BDP1: variants seen among roughly 807,000 people sequenced by gnomAD.
The protein encoded by BDP1 is transcription factor TFIIIB component B'' homolog.
Under a neutral mutation model 266.6 loss-of-function variants are expected in BDP1, and 169 were observed. That is an observed-to-expected ratio of 0.63 (90% CI 0.56 to 0.72). BDP1 has a LOEUF of 0.72. BDP1 is among the 30% of genes least tolerant of loss of function. The pLI is 0.00. For synonymous variants in BDP1, 1,090 were observed against 1,022.4 expected (o/e 1.07, Z -1.26); for missense variants, 3,015 against 3,053.8 (o/e 0.99, Z 0.30).
chr5:71,538,505 C>T (rs754852873), intron 26 of BDP1, among the ~76,000 whole-genome samples: 22 of 152,076 alleles, frequency 1.4e-4, no homozygotes, highest in Non-Finnish European at 2.4e-4. Flanking sequence ...TGCTTTTTGT[C>T]GTTAGGATCA....
Position 71,509,623 on chromosome 5 carries a change from C to T in BDP1, c.2531C>T (p.Ala844Val), listed in dbSNP as rs777743338. The T allele has an allele frequency of 8.1e-6, 13 of 1,613,258 alleles. No homozygotes were observed. Among genetic ancestry groups the T allele is most frequent in the Admixed American group, 3.3e-5 (2 of 59,840 alleles). ...LEKILVSGEM[A>V]AALRETVRLD... ...AAGATTCTTGTCTCTGGGGAAATGG[C>T]GGCAGCATTGAGAGAAACTGTAAGA... The change falls in exon 17 of 39, where the codon GCG (alanine) becomes GTG (valine). Residue 844 changes from alanine to valine, a missense_variant. Ala to Val is a moderately conservative substitution (Grantham distance 64, BLOSUM62 0). Around this residue, in one of 3 missense-constraint regions of BDP1, gnomAD observed 2,383 missense variants for 2,404.9 expected, o/e 0.99. Coordinates refer to ENST00000358731, the MANE Select transcript of BDP1 (RefSeq NM_018429.3).
chr5:71,572,491 G>A (rs115075362), downstream of BDP1, among the ~76,000 whole-genome samples: 4 of 152,112 alleles, frequency 2.6e-5, no homozygotes, highest in East Asian at 1.9e-4. Flanking sequence ...TGCTGGCAGC[G>A]GATATAAGGT....
At chr5:71,568,982 A>G (rs1744178934), downstream of BDP1, among the ~76,000 whole-genome samples, 1 of 152,112 alleles carries the variant, frequency 6.6e-6, no homozygotes, top group Non-Finnish European at 1.5e-5. Flanking sequence ...CATTTTTTTC[A>G]TGGCACTAGC....
At chr5:71,547,062 A>G (rs1742374910) in intron 32 of BDP1, among the ~76,000 whole-genome samples, 1 of 152,134 alleles carries the variant, frequency 6.6e-6, no homozygotes, top group South Asian at 2.1e-4. Flanking sequence ...TATGTTGGCC[A>G]GGCTGGTCTT....
chr5:71,524,038 A>G lies in BDP1; in HGVS notation c.5487A>G (p.Glu1829=). ...CTGAGTATGAGAGAAATCGTGGTGAAAGGAGAAGTCATAAAAAGTTCAAAC... is the reference window on the plus strand; with the variant it reads ...CTGAGTATGAGAGAAATCGTGGTGAGAGGAGAAGTCATAAAAAGTTCAAAC... The part of the protein sequence containing the change: ...STSEYERNRG[E]RRSHKKFKPN... Residue 1829 remains glutamate (E), a synonymous_variant, in exon 25 of 39, where the codon GAA becomes GAG. Transcript: ENST00000358731. 6.2e-7 allele frequency: 1 copy of G among 1,614,234 alleles called. No individual in the cohort carries two copies. Among genetic ancestry groups the G allele is most frequent in the South Asian group, 1.1e-5 (1 of 91,076 alleles).
chr5:71,527,602 A>G (rs941324324), intron 25 of BDP1, among the ~76,000 whole-genome samples: 12 of 151,754 alleles, frequency 7.9e-5, no homozygotes, highest in Non-Finnish European at 1.5e-4. Flanking sequence ...AGTGTTCTTC[A>G]TTTTCGAGGT....
the BDP1 span, among the ~76,000 whole-genome samples, chr5:71,573,243 A>G: frequency 1.3e-4 from 6 of 47,822 alleles, no homozygotes; most frequent in Non-Finnish European, 3.3e-4. Flanking sequence ...AAAAAAAAAG[A>G]AAGAAAAGAA....
intron 7 of BDP1, among the ~76,000 whole-genome samples, chr5:71,477,624 C>CTTTTTTTTTTCTTT (rs1554111689): frequency 1.4e-5 from 2 of 143,356 alleles, no homozygotes; most frequent in African/African-American, 5.1e-5. Flanking sequence ...CAAATTTTTT[C>CTTTTTTTTTTCTTT]TTTTTTTTTT....
At chr5:71,484,979 T>C (rs1580043942) in intron 8 of BDP1, among the ~76,000 whole-genome samples, 1 of 152,156 alleles carries the variant, frequency 6.6e-6, no homozygotes, top group Non-Finnish European at 1.5e-5. Flanking sequence ...GAGGAATGGC[T>C]CTTAGAAGAT....
intron 38 of BDP1, among the ~76,000 whole-genome samples, chr5:71,563,643 T>C (rs993350074): frequency 6.6e-6 from 1 of 152,170 alleles, no homozygotes; most frequent in Non-Finnish European, 1.5e-5. Context: ...CTGGGTGCGG[T>C]GGCTCACGCC....
chr5:71,565,119 C>A lies in BDP1; in HGVS notation c.*234C>A. 2.3e-6 allele frequency: 1 copy of A among 441,362 alleles called. No individual in the cohort carries two copies. The allele number at this position is 441,362 out of a possible 1,614,324, so 27.3% of individuals were successfully genotyped here. ...AATAGCAAGCAATTAAGACTGCTTT[C>A]TCAGACAGAAATAACAACTCTTGTT... On this transcript the variant is annotated 3_prime_UTR_variant, in exon 39 of 39. Transcript: ENST00000358731.
Position 71,515,147 on chromosome 5 carries a change from TATAAA to T in BDP1, c.4649+30_4649+34del, listed in dbSNP as rs761301981. 10 of 1,528,104 alleles carry T rather than the reference TATAAA, an allele frequency of 6.5e-6. No individual in the cohort carries two copies. In the South Asian group the frequency reaches 1.3e-4, roughly 19 times the overall value. 94.7% of individuals were successfully genotyped at this position (1,528,104 alleles called of 1,614,324 possible). A position where few individuals can be genotyped will look rare whatever the true frequency, so the allele number is the denominator to read the frequency against. ...GGTAAACAGTGATTTTCTTTGACAATATAAAATAAGAGAGATACTTCTTTTAAATA... is the reference window on the plus strand; with the variant it reads ...GGTAAACAGTGATTTTCTTTGACAATATAAGAGAGATACTTCTTTTAAATA... On this transcript the variant is annotated intron_variant, in intron 20 of 38. Transcript: ENST00000358731.
At chr5:71,547,217 C>T (rs1262485308) in intron 32 of BDP1, among the ~76,000 whole-genome samples, 4 of 151,522 alleles carry the variant, frequency 2.6e-5, no homozygotes, top group Non-Finnish European at 2.9e-5. Flanking sequence ...ATTTGATTAT[C>T]CTTTCTCCTT....
At chr5:71,463,153 T>C (rs1171995161) in intron 3 of BDP1, among the ~76,000 whole-genome samples, 2 of 152,186 alleles carry the variant, frequency 1.3e-5, no homozygotes, top group Non-Finnish European at 2.9e-5. Flanking sequence ...TTTCTATTTT[T>C]AACATACTAT....
intron 1 of BDP1, among the ~76,000 whole-genome samples, chr5:71,457,772 C>G (rs1024979642): frequency 6.6e-6 from 1 of 152,096 alleles, no homozygotes; most frequent in Non-Finnish European, 1.5e-5. Context: ...AAAGGTTATT[C>G]TATAAGTTAA....
chr5:71,547,723 G>A (rs1742437301), intron 32 of BDP1, among the ~76,000 whole-genome samples: 1 of 152,158 alleles, frequency 6.6e-6, no homozygotes, highest in African/African-American at 2.4e-5. Flanking sequence ...GCTGAGGCGG[G>A]TGGATCATGA....
At chr5:71,549,241 C>G (rs753922089) in intron 33 of BDP1, among the ~76,000 whole-genome samples, 179 bp from the exon 34 acceptor site, 5 of 151,984 alleles carry the variant, frequency 3.3e-5, no homozygotes, top group East Asian at 3.9e-4. Context: ...CTGTCTCCCC[C>G]CCGCAAAAAA....
intron 22 of BDP1, among the ~76,000 whole-genome samples, chr5:71,521,051 GGT>G (rs1015978721): frequency 7.9e-5 from 12 of 151,606 alleles, no homozygotes; most frequent in African/African-American, 2.9e-4. Flanking sequence ...AGCCAGCCGT[GGT>G]GGCGCATGCC....
intron 32 of BDP1, among the ~76,000 whole-genome samples, chr5:71,546,617 CAAAAAAAAA>C (rs70992980): frequency 5.2e-5 from 3 of 57,766 alleles, no homozygotes; most frequent in African/African-American, 2.3e-4. Flanking sequence ...GACTCTGTCT[CAAAAAAAAA>C]AAAAAAAAAA....
Sources: allele counts gnomAD v4.1 joint callset (sites outside exome capture counted in the v4.1 genomes callset), GRCh38; gene constraint gnomAD v4.1.1; regional missense constraint gnomAD v4.1.1; transcripts MANE v1.5; gene names NCBI Gene and HGNC (gene_info 2026-07-23, HGNC 2026-07-21).